Variants in CCDC88A observed in about 807,000 individuals in gnomAD.
CCDC88A encodes the protein coiled-coil and HOOK domain protein 88A.
Under a neutral mutation model 234.3 loss-of-function variants are expected in CCDC88A, and 54 were observed. The observed-to-expected ratio is 0.23, with a 90% CI of 0.19 to 0.29. The LOEUF is 0.29. Among genes scored for constraint, CCDC88A ranks in the 10% least tolerant of loss-of-function variants. The pLI is 1.00. For synonymous variants in CCDC88A, 753 were observed against 737.8 expected (o/e 1.02, Z -0.33); for missense variants, 1,832 against 2,123.4 (o/e 0.86, Z 2.70).
chr2:55,386,203 C>G (rs1675596819), intron 3 of CCDC88A, among the ~76,000 whole-genome samples: 1 of 125,676 alleles, frequency 8.0e-6, no homozygotes, highest in Non-Finnish European at 1.6e-5. Flanking sequence ...GCCTGGGCAA[C>G]AAGAGCAAAA....
chr2:55,349,559 G>C lies in CCDC88A; in HGVS notation c.841C>G (p.Leu281Val), dbSNP rs1180510831. The C allele has an allele frequency of 3.7e-6, 6 of 1,612,702 alleles. No individual in the cohort carries two copies. In the South Asian group the frequency reaches 6.6e-5, roughly 18 times the overall value. ...TTGAGTTCTATTTCCATTTGCTCAA[G>C]TTCTTGTTTACAATCCAACAACTGC... ...TEQLLDCKQE[L>V]EQMEIELKRL... Residue 281 changes from leucine (L) to valine (V), a missense_variant, in exon 9 of 33, where the codon CTT becomes GTT. Transcript: ENST00000436346.
intron 5 of CCDC88A, among the ~76,000 whole-genome samples, chr2:55,371,914 A>G (rs549920185): frequency 1.4e-4 from 22 of 152,340 alleles, no homozygotes; most frequent in Non-Finnish European, 2.8e-4. Context: ...TATGTAAGGG[A>G]TAATATCTGA....
intron 3 of CCDC88A, among the ~76,000 whole-genome samples, chr2:55,380,329 G>A (rs182354536): frequency 2.0e-5 from 3 of 152,032 alleles, no homozygotes; most frequent in Admixed American, 6.6e-5. Flanking sequence ...TTAAAGATAT[G>A]CAAGTATTCA....
chr2:55,308,672 C>T (rs1681952074), intron 25 of CCDC88A, 137 bp downstream of exon 25: 3 of 652,890 alleles, frequency 4.6e-6, no homozygotes, highest in Non-Finnish European at 7.9e-6. Flanking sequence ...TAATGCAGTA[C>T]ACAATTAATT....
At chr2:55,339,981 C>G (rs543072121) in intron 12 of CCDC88A, 43 of 173,362 alleles carry the variant, frequency 2.5e-4, no homozygotes, top group African/African-American at 9.4e-4. Context: ...GCAGGTACAG[C>G]CAGCTAATTT....
Position 55,334,840 on chromosome 2 carries a change from A to C in CCDC88A, c.1981T>G (p.Leu661Val). The change falls in exon 15 of 33, where the codon TTA becomes GTA. Residue 661 changes from leucine (L) to valine (V), a missense_variant. By Grantham distance (32) the Leu-to-Val change is conservative. This residue lies in a region of CCDC88A where 1,282 missense variants were observed against 1,543.6 expected (regional missense o/e 0.83). Transcript: ENST00000436346. The surrounding 1 kb of genome is among the most constrained non-coding windows in gnomAD (Gnocchi z 6.1). ...TCTAGCTCTGAATTTTCTTGTTCTA[A>C]GGCCTCAATTTTTTCACAAGTAATT... is the stretch of plus-strand genomic sequence containing the variant. ...LKITCEKIEA[L>V]EQENSELERE... The C allele has an allele frequency of 1.3e-6, 2 of 1,551,242 alleles. No individual in the cohort carries two copies. Among genetic ancestry groups the C allele is most frequent in the Non-Finnish European group, 8.8e-7 (1 of 1,141,528 alleles).
chr2:55,312,759 G>C (rs564754264), intron 22 of CCDC88A, 180 bp from the exon 23 acceptor site: 100 of 484,406 alleles, frequency 2.1e-4, no homozygotes, highest in Admixed American at 7.7e-4. Context: ...GTTACATGCT[G>C]TCTCTCTCTC....
At position 55,296,044 on chromosome 2, in the gene CCDC88A, T is replaced by C; in HGVS notation, c.5104A>G (p.Ser1702Gly). The C allele has an allele frequency of 6.3e-7, 1 of 1,596,150 alleles. No individual in the cohort carries two copies. The highest frequency in any genetic ancestry group is 1.1e-5 in the South Asian group (1 of 87,692). Reference sequence around the variant, plus strand: ...ACTTCATCTAAAAGATTCTCTTGACTTGAGGACTTTATCTGTTTAAAAAAA... The same window carrying C: ...ACTTCATCTAAAAGATTCTCTTGACCTGAGGACTTTATCTGTTTAAAAAAA... ...KLTSVQIKSS[S>G]QENLLDEVMK... The change falls in exon 31 of 33, where the codon AGT (serine) becomes GGT (glycine). Residue 1702 changes from serine (S) to glycine (G), a missense_variant. Coordinates refer to ENST00000436346, the MANE Select transcript of CCDC88A (RefSeq NM_001365480.1).
At chr2:55,398,916 A>G (rs1678099634) in intron 2 of CCDC88A, among the ~76,000 whole-genome samples, 1 of 152,136 alleles carries the variant, frequency 6.6e-6, no homozygotes, top group Admixed American at 6.5e-5. Flanking sequence ...TCCATGAAAA[A>G]TGGTTGACTC....
intron 7 of CCDC88A, among the ~76,000 whole-genome samples, chr2:55,359,547 T>C (rs1230595833): frequency 6.6e-6 from 1 of 151,436 alleles, no homozygotes; most frequent in East Asian, 1.9e-4. Context: ...GGAAATGTTT[T>C]TAAAGCATAA....
At chr2:55,400,422 T>C (rs1420955628) in intron 2 of CCDC88A, among the ~76,000 whole-genome samples, 1 of 152,190 alleles carries the variant, frequency 6.6e-6, no homozygotes, top group East Asian at 1.9e-4. Context: ...CCTAGCAATA[T>C]GGCTCAAATC....
intron 2 of CCDC88A, among the ~76,000 whole-genome samples, chr2:55,415,304 A>G (rs1374083891): frequency 6.6e-6 from 1 of 152,146 alleles, no homozygotes; most frequent in Non-Finnish European, 1.5e-5. Flanking sequence ...GCCAGACCCC[A>G]TCTTGAAAAA....
At chr2:55,386,740 G>A (rs1675709388) in intron 3 of CCDC88A, among the ~76,000 whole-genome samples, 1 of 151,688 alleles carries the variant, frequency 6.6e-6, no homozygotes, top group South Asian at 2.1e-4. Flanking sequence ...CCAAAGTGCT[G>A]GGATTACAGG....
chr2:55,328,240 C>A lies in CCDC88A; in HGVS notation c.2997+54G>T. On this transcript the variant is annotated intron_variant, in intron 17 of 32. Coordinates refer to ENST00000436346, the MANE Select transcript of CCDC88A (RefSeq NM_001365480.1). This position sits in a 1 kb window ranked among gnomAD's most constrained non-coding sequence, Gnocchi z 4.3. ...ATTTTCTACTTTATATTTTTCTGTC[C>A]AAATATTTATATAATAAATGATCCT... 1 of 1,265,364 alleles carries A rather than the reference C, an allele frequency of 7.9e-7. No individual in the cohort carries two copies. The highest frequency in any genetic ancestry group is 1.1e-6 in the Non-Finnish European group (1 of 923,334). The allele number at this position is 1,265,364 out of a possible 1,614,324, so 78.4% of individuals were successfully genotyped here.
chr2:55,340,315 G>A (rs530310047), intron 12 of CCDC88A: 2 of 152,258 alleles, frequency 1.3e-5, no homozygotes, highest in South Asian at 2.1e-4. Context: ...GAGAATTTCC[G>A]GGTCTGCTTT....
Position 55,317,628 on chromosome 2 carries a change from T to C in CCDC88A, c.3538A>G (p.Lys1180Glu). ...QASEYESLIS[K>E]HGTLKSAHKN... ...TGGGCAGACTTCAGAGTTCCATGTT[T>C]AGAGATAAGAGATTCATACTCTGAA... The change falls in exon 20 of 33, where the codon AAA becomes GAA. Residue 1180 changes from lysine (K) to glutamate (E), a missense_variant. Around this residue, in one of 6 missense-constraint regions of CCDC88A, gnomAD observed 1,282 missense variants for 1,543.6 expected, o/e 0.83. Coordinates refer to ENST00000436346, the MANE Select transcript of CCDC88A (RefSeq NM_001365480.1). This position sits in a 1 kb window ranked among gnomAD's most constrained non-coding sequence, Gnocchi z 4.2. The C allele has an allele frequency of 6.2e-7, 1 of 1,609,744 alleles. No homozygotes were observed. The highest frequency in any genetic ancestry group is 8.5e-7 in the Non-Finnish European group (1 of 1,176,804).
intron 23 of CCDC88A, among the ~76,000 whole-genome samples, chr2:55,311,984 C>A (rs1682407243): frequency 6.6e-6 from 1 of 152,160 alleles, no homozygotes; most frequent in Non-Finnish European, 1.5e-5. Flanking sequence ...TCCTATACCA[C>A]ACCACAACAT....
intron 3 of CCDC88A, among the ~76,000 whole-genome samples, chr2:55,375,218 A>C (rs1455333943): frequency 6.6e-6 from 1 of 152,090 alleles, no homozygotes; most frequent in Non-Finnish European, 1.5e-5. Flanking sequence ...ACACAAACAA[A>C]TAATAATAAA....
chr2:55,419,178 T>C lies in CCDC88A; in HGVS notation c.-99A>G. The C allele has an allele frequency of 1.3e-6, 1 of 749,548 alleles. No individual in the cohort carries two copies. 46.4% of individuals were successfully genotyped at this position (749,548 alleles called of 1,614,324 possible). On this transcript the variant is annotated 5_prime_UTR_variant, in exon 1 of 33. The change abolishes an upstream ATG in the 5' untranslated region. Transcript: ENST00000436346. ...GTAAGTAGAAATCAATGAAAGTCCATTTCGGCAAGGGAGAAAAATCCCATC... is the reference window on the plus strand; with the variant it reads ...GTAAGTAGAAATCAATGAAAGTCCACTTCGGCAAGGGAGAAAAATCCCATC...
Sources: gnomAD v4.1 joint callset for allele counts (sites outside exome capture counted in the v4.1 genomes callset) on GRCh38, gnomAD v4.1.1 for gene constraint, gnomAD v4.1.1 regional missense constraint, Gnocchi (gnomAD v3.1) non-coding constraint, MANE v1.5 for transcripts, NCBI Gene and HGNC (gene_info 2026-07-23, HGNC 2026-07-21) for gene names.